The following UBXN7 variants were observed in gnomAD, a reference collection of about 807,000 sequenced individuals.
UBXN7 encodes the protein UBX domain protein 7.
Under a neutral mutation model 58.0 loss-of-function variants are expected in UBXN7, and 9 were observed. The observed-to-expected ratio is 0.16, with a 90% CI of 0.09 to 0.27. The LOEUF is 0.27. UBXN7 is among the 10% of genes least tolerant of loss of function. The pLI is 1.00. For synonymous variants in UBXN7, 208 were observed against 205.0 expected, an observed-to-expected ratio of 1.01 and a Z score of -0.12; for missense variants, 328 against 599.6, an observed-to-expected ratio of 0.55 and a Z score of 4.73.
intron 1 of UBXN7, among the ~76,000 whole-genome samples, chr3:196,422,656 C>T (rs565985210): frequency 3.3e-5 from 5 of 152,090 alleles, no homozygotes; most frequent in Admixed American, 2.6e-4. Flanking sequence ...CTCAAAGCCA[C>T]TATACTTTCC....
chr3:196,424,472 G>A (rs1730786811), intron 1 of UBXN7, among the ~76,000 whole-genome samples: 1 of 143,572 alleles, frequency 7.0e-6, no homozygotes, highest in Non-Finnish European at 1.5e-5. Flanking sequence ...ATAGTTCACT[G>A]CAGCCTCAAA....
At position 196,355,335 on chromosome 3, in the gene UBXN7, T is replaced by G. The variant is rs199913580; in HGVS notation, c.*1350A>C. On this transcript the variant is annotated 3_prime_UTR_variant, in exon 11 of 11. Coordinates refer to ENST00000296328, the MANE Select transcript of UBXN7 (RefSeq NM_015562.2). The stretch of plus-strand genomic sequence containing the variant: ...AATACGAAATGAGCATAGGGTGAAG[T>G]TGATGTGTAAATGGTATTCTACAGA... 7.9e-5 allele frequency: 12 copies of G among 152,116 alleles called. No individual in the cohort carries two copies. 9.4% of individuals were successfully genotyped at this position (152,116 alleles called of 1,614,324 possible).
chr3:196,383,116 C>CAAA (rs370376004), intron 5 of UBXN7, among the ~76,000 whole-genome samples: 2 of 100,730 alleles, frequency 2.0e-5, no homozygotes, highest in African/African-American at 7.4e-5. Context: ...ACTCCATCTC[C>CAAA]AAAAAAAAAA....
At position 196,361,026 on chromosome 3, in the gene UBXN7, ATCT is replaced by A. The variant is rs970208529; in HGVS notation, c.1308+815_1308+817del. On this transcript the variant is annotated intron_variant, in intron 10 of 10. Transcript: ENST00000296328. ...TGAATCTGGGCAAAGTAAACTGAAA[ATCT>A]TCTGGAAAGGATTCAGCAGTCTAAA... Among the ~76,000 whole-genome samples, 227 of 152,266 alleles carry A rather than the reference ATCT, an allele frequency of 1.5e-3. 1 individual carries two copies. Among genetic ancestry groups the A allele is most frequent in the African/African-American group, 5.2e-3 (218 of 41,528 alleles).
intron 5 of UBXN7, among the ~76,000 whole-genome samples, chr3:196,381,685 C>A (rs996883952): frequency 1.3e-5 from 2 of 152,210 alleles, no homozygotes; most frequent in Admixed American, 6.5e-5. Context: ...TAATAACAAA[C>A]TTCTCCAAGC....
chr3:196,406,576 A>T (rs1175329979), intron 2 of UBXN7, among the ~76,000 whole-genome samples: 1 of 151,592 alleles, frequency 6.6e-6, no homozygotes, highest in African/African-American at 2.4e-5. Flanking sequence ...AGTAGCTGGG[A>T]TTACAGGCGC....
intron 10 of UBXN7, among the ~76,000 whole-genome samples, chr3:196,360,329 A>C (rs1485420716): frequency 1.3e-5 from 2 of 152,222 alleles, no homozygotes; most frequent in Non-Finnish European, 2.9e-5. Context: ...GCTAGAGAGA[A>C]GTCAGTGGCT....
At chr3:196,403,148 G>C (rs1730044983) in intron 2 of UBXN7, 129 bp from the exon 3 acceptor site, 1 of 980,170 alleles carries the variant, frequency 1.0e-6, no homozygotes, top group African/African-American at 1.7e-5. Flanking sequence ...ATAAGTTTTT[G>C]TGTTGCTATT....
intron 1 of UBXN7, among the ~76,000 whole-genome samples, chr3:196,415,951 A>G (rs894419243): frequency 3.9e-5 from 6 of 152,226 alleles, no homozygotes; most frequent in Admixed American, 3.3e-4. Context: ...TTCTCAATGT[A>G]TGGACCAAAC....
intron 1 of UBXN7, chr3:196,414,734 C>G (rs1400067508): frequency 1.3e-5 from 2 of 152,178 alleles, no homozygotes; most frequent in Non-Finnish European, 2.9e-5. Flanking sequence ...AATCTTTACC[C>G]TTGTCTCTGC....
intron 2 of UBXN7, among the ~76,000 whole-genome samples, chr3:196,405,666 G>A (rs775813316): frequency 9.9e-5 from 15 of 151,852 alleles, no homozygotes; most frequent in Non-Finnish European, 2.1e-4. Flanking sequence ...TTAGAGGGGT[G>A]GATTAAGTAG....
intron 5 of UBXN7, among the ~76,000 whole-genome samples, chr3:196,385,801 G>T (rs1324627196): frequency 1.4e-5 from 2 of 141,146 alleles, no homozygotes; most frequent in African/African-American, 2.7e-5. Context: ...TGGGGGGGGT[G>T]GGGGCGCCTC....
intron 5 of UBXN7, among the ~76,000 whole-genome samples, chr3:196,375,344 C>T (rs1270440882): frequency 7.3e-6 from 1 of 136,868 alleles, no homozygotes; most frequent in Non-Finnish European, 1.6e-5. Flanking sequence ...TAGTCTGGAG[C>T]AGTGGCTCAC....
intron 3 of UBXN7, among the ~76,000 whole-genome samples, chr3:196,398,725 G>C (rs781393054): frequency 3.3e-5 from 5 of 152,238 alleles, no homozygotes; most frequent in Non-Finnish European, 5.9e-5. Flanking sequence ...GACCTCCCAG[G>C]CTCAATCCAT....
rs113361293 is a variant in UBXN7 at position 196,372,816 on chromosome 3, G to A, written c.469-774C>T. ...GTCGGAGAACAATGGCACGATCTCG[G>A]CTCACTACAACCTCCACCTACTAGG... On this transcript the variant is annotated intron_variant, in intron 5 of 10. Coordinates refer to ENST00000296328, the MANE Select transcript of UBXN7 (RefSeq NM_015562.2). 5.9e-3 allele frequency among the ~76,000 whole-genome samples: 903 copies of A among 152,044 alleles called. 8 individuals carry two copies. Among genetic ancestry groups the A allele is most frequent in the African/African-American group, 0.021 (861 of 41,436 alleles).
chr3:196,372,870 C>G (rs1728883755), intron 5 of UBXN7, among the ~76,000 whole-genome samples: 1 of 151,920 alleles, frequency 6.6e-6, no homozygotes, highest in Middle Eastern at 3.4e-3. Flanking sequence ...CTTAGCCTAC[C>G]GAGTAGCTGG....
At chr3:196,391,618 T>A (rs534863972) in intron 5 of UBXN7, among the ~76,000 whole-genome samples, 195 bp downstream of exon 5, 6 of 152,004 alleles carry the variant, frequency 3.9e-5, no homozygotes, top group African/African-American at 1.4e-4. Context: ...CCTATAGCCC[T>A]AGCTACTCGG....
chr3:196,406,522 C>A (rs1730167145), intron 2 of UBXN7, among the ~76,000 whole-genome samples: 1 of 152,132 alleles, frequency 6.6e-6, no homozygotes, highest in Non-Finnish European at 1.5e-5. Flanking sequence ...TCACTGCAAC[C>A]TCTGCCTCCT....
At chr3:196,378,500 C>T (rs1243352974) in intron 5 of UBXN7, among the ~76,000 whole-genome samples, 1 of 152,200 alleles carries the variant, frequency 6.6e-6, no homozygotes, top group Non-Finnish European at 1.5e-5. Context: ...ATAGGCAGAG[C>T]AGCCCAAGGG....
Sources: allele counts gnomAD v4.1 joint callset (sites outside exome capture counted in the v4.1 genomes callset), GRCh38; gene constraint gnomAD v4.1.1; transcripts MANE v1.5; gene names NCBI Gene and HGNC (gene_info 2026-07-23, HGNC 2026-07-21).